ELP4: variants seen among roughly 807,000 people sequenced by gnomAD.
ELP4 encodes elongator acetyltransferase complex subunit 4.
In ELP4, 51 loss-of-function variants were observed where a neutral mutation model predicts 48.9. The ratio of observed to expected loss-of-function variants is 1.04; its 90% confidence interval spans 0.83 to 1.32. The LOEUF is 1.32. ELP4 is among the 40% of genes most tolerant of loss of function. The probability of loss-of-function intolerance (pLI) is 0.00; values close to 1 mark genes in which losing one functional copy is unlikely to be tolerated. For missense variants in ELP4, 519 were observed against 514.6 expected (o/e 1.01, Z -0.08); for synonymous variants, 210 against 189.2 (o/e 1.11, Z -0.90).
intron 2 of ELP4, among the ~76,000 whole-genome samples, chr11:31,534,919 C>T (rs1395831444): frequency 6.6e-6 from 1 of 152,138 alleles, no homozygotes; most frequent in Non-Finnish European, 1.5e-5. Context: ...CTTAGTTATA[C>T]AAAGTAAGCA....
chr11:31,600,871 A>G (rs1305887774), intron 4 of ELP4, among the ~76,000 whole-genome samples: 2 of 152,174 alleles, frequency 1.3e-5, no homozygotes, highest in South Asian at 2.1e-4. Flanking sequence ...GTAACATACT[A>G]CAAGTAGAGT....
chr11:31,582,954 T>C (rs1443768950), intron 3 of ELP4, among the ~76,000 whole-genome samples: 1 of 152,106 alleles, frequency 6.6e-6, no homozygotes, highest in East Asian at 1.9e-4. Context: ...ATGAAGACTT[T>C]CAAGAAATTA....
Position 31,722,866 on chromosome 11 carries a change from C to T in ELP4, c.1144-60527C>T, listed in dbSNP as rs1042561231. Among the ~76,000 whole-genome samples, 35 of 152,256 alleles carry T rather than the reference C, an allele frequency of 2.3e-4. 2 individuals are homozygous for T. The highest frequency in any genetic ancestry group is 2.6e-4 in the Non-Finnish European group (18 of 68,006). ...CCCACAACTTGGGACACAAGCAGCC[C>T]ATTAGGTATCAGGTTTTTGCTCTTG... On this transcript the variant is annotated intron_variant, in intron 9 of 9. Transcript: ENST00000640961.
At chr11:31,767,285 T>C (rs1250896723) in intron 9 of ELP4, 1 of 151,838 alleles carries the variant, frequency 6.6e-6, no homozygotes, top group African/African-American at 2.4e-5. Flanking sequence ...TTGACCAGAG[T>C]GGCTCTTCTG....
intron 9 of ELP4, chr11:31,767,481 A>G (rs1464194165): frequency 6.6e-6 from 1 of 152,110 alleles, no homozygotes; most frequent in Non-Finnish European, 1.5e-5. Flanking sequence ...AATAGAAAAT[A>G]ATCGGTATGA....
At chr11:31,590,702 A>C (rs1383940554) in intron 3 of ELP4, among the ~76,000 whole-genome samples, 1 of 152,210 alleles carries the variant, frequency 6.6e-6, no homozygotes, top group African/African-American at 2.4e-5. Flanking sequence ...GAAGCGTCTA[A>C]TCATAGCAGA....
chr11:31,754,040 A>G (rs943286751), intron 9 of ELP4, among the ~76,000 whole-genome samples: 2 of 152,154 alleles, frequency 1.3e-5, no homozygotes, highest in African/African-American at 2.4e-5. Flanking sequence ...TGAGTTTTCT[A>G]TATGTTTGAA....
At chr11:31,650,261 A>G (rs777557234) in intron 9 of ELP4, 40 bp downstream of exon 9, 1 of 669,716 alleles carries the variant, frequency 1.5e-6, no homozygotes, top group African/African-American at 1.8e-5. Context: ...ATCTTGAGAT[A>G]AACTTATTTT....
chr11:31,525,274 T>TC, intron 2 of ELP4, among the ~76,000 whole-genome samples: 1 of 152,340 alleles, frequency 6.6e-6, no homozygotes, highest in Non-Finnish European at 1.5e-5. Flanking sequence ...AGAACTTTGT[T>TC]AAAGGACTGA....
intron 3 of ELP4, among the ~76,000 whole-genome samples, chr11:31,589,596 A>C (rs1359939140): frequency 6.6e-6 from 1 of 152,214 alleles, no homozygotes; most frequent in African/African-American, 2.4e-5. Flanking sequence ...TGTTTCTACT[A>C]TGTCAAGATC....
intron 9 of ELP4, among the ~76,000 whole-genome samples, chr11:31,773,940 G>A (rs1161099797): frequency 6.6e-6 from 1 of 152,194 alleles, no homozygotes; most frequent in Non-Finnish European, 1.5e-5. Flanking sequence ...AGCTGCTCAG[G>A]AGGCTGAGGC....
At chr11:31,516,145 C>G (rs1443345712) in intron 1 of ELP4, among the ~76,000 whole-genome samples, 1 of 151,980 alleles carries the variant, frequency 6.6e-6, no homozygotes, top group African/African-American at 2.4e-5. Context: ...CTCTGTCTGT[C>G]CCAGTGGAGG....
intron 2 of ELP4, among the ~76,000 whole-genome samples, chr11:31,531,330 A>C (rs1274604402): frequency 6.6e-6 from 1 of 152,236 alleles, no homozygotes; most frequent in South Asian, 2.1e-4. Context: ...TATGTATACT[A>C]TGTGCCGGGC....
At chr11:31,742,976 A>G (rs191110537) in intron 9 of ELP4, among the ~76,000 whole-genome samples, 1 of 152,262 alleles carries the variant, frequency 6.6e-6, no homozygotes, top group Non-Finnish European at 1.5e-5. Context: ...AAGAGTCAAG[A>G]CCCATCAGTG....
chr11:31,568,530 A>C (rs751595911), intron 3 of ELP4, among the ~76,000 whole-genome samples: 2 of 152,230 alleles, frequency 1.3e-5, no homozygotes, highest in Non-Finnish European at 2.9e-5. Flanking sequence ...CTCAAACTAT[A>C]CTACAAGGCT....
chr11:31,624,120 A>G (rs1232595078), intron 5 of ELP4, among the ~76,000 whole-genome samples: 1 of 151,854 alleles, frequency 6.6e-6, no homozygotes, highest in East Asian at 1.9e-4. Context: ...ATAAATTAGA[A>G]CAGCCATTGT....
chr11:31,689,759 G>A (rs1565113348), intron 9 of ELP4, among the ~76,000 whole-genome samples: 1 of 152,110 alleles, frequency 6.6e-6, no homozygotes, highest in Non-Finnish European at 1.5e-5. Flanking sequence ...CCACTTATTG[G>A]ATGTGTGAGC....
chr11:31,603,919 A>G lies in ELP4; in HGVS notation c.653+12A>G. On this transcript the variant is annotated intron_variant, in intron 5 of 9. Transcript: ENST00000640961. The stretch of plus-strand genomic sequence containing the variant: ...AAAGTAGAACCCTGGTAAGTTAATG[A>G]CCCATTTAATAACAAAATCTGATTT... 1 of 1,602,246 alleles carries G rather than the reference A, an allele frequency of 6.2e-7. No homozygotes were observed. The highest frequency in any genetic ancestry group is 1.1e-5 in the South Asian group (1 of 89,404).
At chr11:31,533,768 G>C (rs533001452) in intron 2 of ELP4, among the ~76,000 whole-genome samples, 1 of 152,162 alleles carries the variant, frequency 6.6e-6, no homozygotes, top group Non-Finnish European at 1.5e-5. Flanking sequence ...AGGAGGATTA[G>C]GGTGAATGCA....
Sources: allele counts gnomAD v4.1 joint callset (sites outside exome capture counted in the v4.1 genomes callset), GRCh38; gene constraint gnomAD v4.1.1; transcripts MANE v1.5; gene names NCBI Gene and HGNC (gene_info 2026-07-23, HGNC 2026-07-21).